Variants in ARHGAP29 observed in about 807,000 individuals in gnomAD.
The protein encoded by ARHGAP29 is rho GTPase-activating protein 29.
A neutral mutation model predicts 122.6 loss-of-function variants in ARHGAP29; 43 were observed. That is an observed-to-expected ratio of 0.35 (90% CI 0.27 to 0.45). The LOEUF (loss-of-function observed/expected upper bound fraction) is 0.45. Among genes scored for constraint, ARHGAP29 ranks in the 20% least tolerant of loss-of-function variants. ARHGAP29 has a pLI of 1.00. For missense variants in ARHGAP29, 1,303 were observed against 1,477.2 expected, an observed-to-expected ratio of 0.88 and a Z score of 1.93; for synonymous variants, 506 against 497.1, an observed-to-expected ratio of 1.02 and a Z score of -0.24.
At chr1:94,260,022 C>T (rs557918622) in intron 1 of ARHGAP29, among the ~76,000 whole-genome samples, 9 of 152,262 alleles carry the variant, frequency 5.9e-5, no homozygotes, top group Non-Finnish European at 8.8e-5. Flanking sequence ...CAGAGGCATT[C>T]CATGTGTTGA....
chr1:94,283,126 G>A, the ARHGAP29 span, among the ~76,000 whole-genome samples: 3 of 152,078 alleles, frequency 2.0e-5, no homozygotes, highest in Non-Finnish European at 4.4e-5. Flanking sequence ...AACTGCCAAC[G>A]CCAACTCTGT....
intron 2 of ARHGAP29, among the ~76,000 whole-genome samples, chr1:94,228,373 T>G (rs928185838): frequency 2.0e-5 from 3 of 151,824 alleles, no homozygotes; most frequent in African/African-American, 7.2e-5. Context: ...TAATCAAATT[T>G]TGAATCACAG....
the ARHGAP29 span, among the ~76,000 whole-genome samples, chr1:94,287,316 T>C: frequency 6.6e-6 from 1 of 152,094 alleles, no homozygotes; most frequent in Non-Finnish European, 1.5e-5. Flanking sequence ...TGTGTTCTCA[T>C]GATAGTGAGT....
the ARHGAP29 span, among the ~76,000 whole-genome samples, chr1:94,305,229 G>C: frequency 4.6e-5 from 7 of 152,300 alleles, no homozygotes; most frequent in Admixed American, 6.5e-5. Flanking sequence ...TCATGCCAGG[G>C]AAAGAATCAA....
intron 12 of ARHGAP29, 117 bp downstream of exon 12, chr1:94,201,603 G>T: frequency 8.2e-7 from 1 of 1,225,506 alleles, no homozygotes; most frequent in Non-Finnish European, 1.1e-6. Context: ...AAACTTTTGG[G>T]CTCAAGTGAT....
intron 3 of ARHGAP29, among the ~76,000 whole-genome samples, chr1:94,211,878 A>G (rs184633770): frequency 1.2e-4 from 18 of 152,282 alleles, no homozygotes; most frequent in African/African-American, 4.1e-4. Flanking sequence ...AGCATTAGGT[A>G]TATCTCCTAA....
chr1:94,272,577 T>C (rs1655034084), intron 1 of ARHGAP29, among the ~76,000 whole-genome samples: 2 of 152,186 alleles, frequency 1.3e-5, no homozygotes, highest in African/African-American at 2.4e-5. Flanking sequence ...AAATGGGAAG[T>C]ACTACAGCTG....
chr1:94,205,228 T>C (rs10443184), intron 6 of ARHGAP29, 30 bp from the exon 7 acceptor site: 525,804 of 1,522,646 alleles, frequency 0.35, 92,198 homozygotes, highest in Admixed American at 0.44. Context: ...GGTAAGTATA[T>C]GTTAAATGTG....
chr1:94,201,508 CT>C (rs1332905236), intron 12 of ARHGAP29, among the ~76,000 whole-genome samples: 1 of 882 alleles, frequency 1.1e-3, no homozygotes, highest in East Asian at 0.083. Context: ...TTCCTTCCTT[CT>C]CTCTCTCTCT....
intron 2 of ARHGAP29, among the ~76,000 whole-genome samples, chr1:94,224,488 C>T (rs1652502584): frequency 6.6e-6 from 1 of 152,166 alleles, no homozygotes; most frequent in South Asian, 2.1e-4. Flanking sequence ...AATGCCTACA[C>T]AAACCAAAGT....
At chr1:94,261,035 GT>G (rs1411285578) in intron 1 of ARHGAP29, among the ~76,000 whole-genome samples, 1 of 152,072 alleles carries the variant, frequency 6.6e-6, no homozygotes, top group Admixed American at 6.5e-5. Flanking sequence ...ATGTGTCTCT[GT>G]TCTTGAAACA....
At chr1:94,249,953 T>A (rs534638730) in intron 1 of ARHGAP29, among the ~76,000 whole-genome samples, 2 of 152,092 alleles carry the variant, frequency 1.3e-5, no homozygotes, top group Admixed American at 6.5e-5. Flanking sequence ...TCTGGAGGGA[T>A]GTTGAGGGCA....
the ARHGAP29 span, among the ~76,000 whole-genome samples, chr1:94,284,008 T>C: frequency 6.6e-6 from 1 of 150,408 alleles, no homozygotes; most frequent in Admixed American, 6.6e-5. Flanking sequence ...AAATGAACAA[T>C]AAATCACAGA....
intron 1 of ARHGAP29, among the ~76,000 whole-genome samples, chr1:94,254,556 A>G (rs1654252954): frequency 6.6e-6 from 1 of 152,220 alleles, no homozygotes; most frequent in Non-Finnish European, 1.5e-5. Flanking sequence ...TCTGACTTCT[A>G]GTAACTTCCT....
At chr1:94,270,370 A>G (rs1432922548) in intron 1 of ARHGAP29, among the ~76,000 whole-genome samples, 4 of 152,210 alleles carry the variant, frequency 2.6e-5, no homozygotes, top group African/African-American at 7.2e-5. Flanking sequence ...TTTTTGAGAA[A>G]TAGCTCTTGA....
At chr1:94,273,415 C>T (rs977247535) in intron 1 of ARHGAP29, among the ~76,000 whole-genome samples, 4 of 152,198 alleles carry the variant, frequency 2.6e-5, no homozygotes, top group Non-Finnish European at 4.4e-5. Context: ...AAAAGATACC[C>T]TTGGAAATTC....
intron 1 of ARHGAP29, among the ~76,000 whole-genome samples, chr1:94,245,031 C>T (rs1653735732): frequency 6.6e-6 from 1 of 152,110 alleles, no homozygotes; most frequent in Non-Finnish European, 1.5e-5. Flanking sequence ...ATGCAAATTT[C>T]AACTTCTATG....
chr1:94,245,294 T>C lies in ARHGAP29; in HGVS notation c.-32-13651A>G, dbSNP rs943389136. ...ACCCCTAAACTTGTATACAAATGCA[T>C]AGCAATTTTTTTCATGATAGTCAAA... is the stretch of plus-strand genomic sequence containing the variant. On this transcript the variant is annotated intron_variant and NMD_transcript_variant, in intron 1 of 25. Transcript: ENST00000552844. Among the ~76,000 whole-genome samples the C allele has an allele frequency of 5.3e-5, 8 of 152,272 alleles. 1 individual carries two copies. Among genetic ancestry groups the C allele is most frequent in the African/African-American group, 1.9e-4 (8 of 41,562 alleles).
At chr1:94,213,351 T>G (rs1651772041) in intron 3 of ARHGAP29, among the ~76,000 whole-genome samples, 1 of 152,086 alleles carries the variant, frequency 6.6e-6, no homozygotes, top group Non-Finnish European at 1.5e-5. Context: ...GGCCAATTTT[T>G]TTTGTATTTT....
Sources: allele counts gnomAD v4.1 joint callset (sites outside exome capture counted in the v4.1 genomes callset), GRCh38; gene constraint gnomAD v4.1.1; transcripts MANE v1.5; gene names NCBI Gene and HGNC (gene_info 2026-07-23, HGNC 2026-07-21).